Variants in TAFA1 observed in about 807,000 individuals in gnomAD.
TAFA1 encodes TAFA chemokine like family member 1, also known as chemokine-like protein TAFA-1.
TAFA1 carries 4 observed loss-of-function variants against 18.5 expected under a neutral mutation model. The observed-to-expected ratio is 0.22, with a 90% CI of 0.11 to 0.49. The LOEUF is 0.49. TAFA1 is among the 20% of genes least tolerant of loss of function. The probability of loss-of-function intolerance (pLI) is 0.98; values close to 1 mark genes in which losing one functional copy is unlikely to be tolerated. For synonymous variants in TAFA1, 56 were observed against 55.2 expected (o/e 1.01, Z -0.06); for missense variants, 147 against 169.0 (o/e 0.87, Z 0.72).
At chr3:68,143,616 G>T (rs967299992) in intron 2 of TAFA1, among the ~76,000 whole-genome samples, 1 of 152,096 alleles carries the variant, frequency 6.6e-6, no homozygotes, top group African/African-American at 2.4e-5. Flanking sequence ...GACATCCCCA[G>T]TTATGACAAC....
At chr3:68,174,775 A>G (rs2066102840) in intron 2 of TAFA1, among the ~76,000 whole-genome samples, 1 of 152,240 alleles carries the variant, frequency 6.6e-6, no homozygotes, top group Non-Finnish European at 1.5e-5. Flanking sequence ...GAGAAATTCA[A>G]GCCTGCTGCA....
chr3:68,081,830 G>A (rs2064905320), intron 2 of TAFA1, among the ~76,000 whole-genome samples: 1 of 152,242 alleles, frequency 6.6e-6, no homozygotes. Flanking sequence ...TTGAGCTGTG[G>A]TGGGCTCCAC....
At chr3:68,298,359 T>C (rs985528457) in intron 2 of TAFA1, among the ~76,000 whole-genome samples, 2 of 152,098 alleles carry the variant, frequency 1.3e-5, no homozygotes, top group Admixed American at 6.6e-5. Flanking sequence ...CAGGTGAATG[T>C]GTGTGTCATG....
At chr3:68,504,657 G>A (rs979503677) in intron 3 of TAFA1, among the ~76,000 whole-genome samples, 2 of 152,008 alleles carry the variant, frequency 1.3e-5, no homozygotes, top group Non-Finnish European at 2.9e-5. Context: ...AATCAAAATT[G>A]TACCTCACCT....
At chr3:68,423,806 T>A (rs1393109602) in intron 3 of TAFA1, among the ~76,000 whole-genome samples, 1 of 151,792 alleles carries the variant, frequency 6.6e-6, no homozygotes, top group Non-Finnish European at 1.5e-5. Flanking sequence ...ATTTAACTAG[T>A]TGTTAGTAGG....
intron 2 of TAFA1, among the ~76,000 whole-genome samples, chr3:68,068,673 G>A (rs1319133752): frequency 6.6e-6 from 1 of 152,026 alleles, no homozygotes; most frequent in African/African-American, 2.4e-5. Flanking sequence ...ATTATTCTTT[G>A]CCTGATCACA....
chr3:68,542,747 T>C (rs1296074051), intron 4 of TAFA1, among the ~76,000 whole-genome samples: 2 of 152,020 alleles, frequency 1.3e-5, no homozygotes, highest in African/African-American at 4.8e-5. Flanking sequence ...AAGGTGTGGG[T>C]AGTTAAGAGA....
intron 2 of TAFA1, among the ~76,000 whole-genome samples, chr3:68,070,268 A>C (rs1265795828): frequency 6.6e-6 from 1 of 152,250 alleles, no homozygotes; most frequent in Non-Finnish European, 1.5e-5. Context: ...GTGCAACTGC[A>C]GGCTCAACAT....
At chr3:68,397,260 G>A (rs1365534405) in intron 2 of TAFA1, among the ~76,000 whole-genome samples, 1 of 151,932 alleles carries the variant, frequency 6.6e-6, no homozygotes, top group African/African-American at 2.4e-5. Context: ...CATCACCTAG[G>A]TTTTAAGTCC....
chr3:68,327,834 A>T (rs181689138), intron 2 of TAFA1, among the ~76,000 whole-genome samples: 14 of 152,316 alleles, frequency 9.2e-5, no homozygotes, highest in African/African-American at 2.9e-4. Context: ...CATGACATAG[A>T]GCTGCCTTAC....
chr3:67,999,319 G>A (rs1034776822), upstream of TAFA1, among the ~76,000 whole-genome samples: 6 of 143,532 alleles, frequency 4.2e-5, no homozygotes, highest in East Asian at 4.0e-4. Flanking sequence ...GTGTGTCTAC[G>A]TTGGAGGGAG....
At chr3:68,058,288 T>G (rs1046300664) in intron 2 of TAFA1, among the ~76,000 whole-genome samples, 19 of 152,222 alleles carry the variant, frequency 1.2e-4, no homozygotes, top group African/African-American at 3.4e-4. Flanking sequence ...ATATTGTTGT[T>G]ATAAGCATTG....
At chr3:68,312,545 G>C (rs2068538294) in intron 2 of TAFA1, among the ~76,000 whole-genome samples, 1 of 152,132 alleles carries the variant, frequency 6.6e-6, no homozygotes. Context: ...TAGTCTCTTT[G>C]CTAAAACATA....
chr3:68,384,813 G>A (rs553815133), intron 2 of TAFA1, among the ~76,000 whole-genome samples: 104 of 150,186 alleles, frequency 6.9e-4, no homozygotes, highest in Non-Finnish European at 1.2e-3. Context: ...TCTCTTCTAA[G>A]GTGTTCAAGA....
At chr3:68,484,526 G>GC (rs751977725) in intron 3 of TAFA1, among the ~76,000 whole-genome samples, 2 of 152,156 alleles carry the variant, frequency 1.3e-5, no homozygotes, top group African/African-American at 2.4e-5. Context: ...ATTTCTGGAG[G>GC]TTGGCATGAG....
chr3:68,035,418 A>G (rs1325750878), intron 2 of TAFA1, among the ~76,000 whole-genome samples: 1 of 152,214 alleles, frequency 6.6e-6, no homozygotes, highest in Non-Finnish European at 1.5e-5. Flanking sequence ...CATTTTTAGT[A>G]TATCATTAAT....
chr3:68,259,860 A>T (rs1172640383), intron 2 of TAFA1, among the ~76,000 whole-genome samples: 1 of 152,054 alleles, frequency 6.6e-6, no homozygotes, highest in Non-Finnish European at 1.5e-5. Flanking sequence ...GTTTTTCTAG[A>T]TATACAATCA....
chr3:68,441,860 T>G (rs912094917), intron 3 of TAFA1, among the ~76,000 whole-genome samples: 1 of 152,186 alleles, frequency 6.6e-6, no homozygotes, highest in Admixed American at 6.5e-5. Flanking sequence ...CTACAGCCCC[T>G]TTCTAGGACA....
intron 3 of TAFA1, among the ~76,000 whole-genome samples, chr3:68,475,952 T>C (rs2072086604): frequency 6.6e-6 from 1 of 152,226 alleles, no homozygotes; most frequent in Non-Finnish European, 1.5e-5. Context: ...GCTGCATAAA[T>C]GTCTTCTTTT....
Sources: gnomAD v4.1 joint callset for allele counts (sites outside exome capture counted in the v4.1 genomes callset) on GRCh38, gnomAD v4.1.1 for gene constraint, MANE v1.5 for transcripts, NCBI Gene and HGNC (gene_info 2026-07-23, HGNC 2026-07-21) for gene names.